HIPK2: variants seen among roughly 807,000 people sequenced by gnomAD.
The protein encoded by HIPK2 is homeodomain-interacting protein kinase 2.
HIPK2 carries 27 observed loss-of-function variants against 113.7 expected under a neutral mutation model. The observed-to-expected ratio is 0.24, with a 90% CI of 0.17 to 0.33. The LOEUF (loss-of-function observed/expected upper bound fraction) is 0.33. Ranked by LOEUF, HIPK2 falls within the 10% of genes least tolerant of loss-of-function variation. The pLI, the probability that HIPK2 is intolerant of heterozygous loss-of-function variation, is 1.00. For missense variants in HIPK2, 1,257 were observed against 1,588.0 expected, an observed-to-expected ratio of 0.79 and a Z score of 3.54; for synonymous variants, 631 against 642.2, an observed-to-expected ratio of 0.98 and a Z score of 0.26.
rs1452344342 is a variant in HIPK2 at position 139,631,160 on chromosome 7, C to G, written c.1347+5G>C. 38 of 1,609,904 alleles carry G rather than the reference C, an allele frequency of 2.4e-5. No homozygotes were observed. The highest frequency in any genetic ancestry group is 3.1e-5 in the Non-Finnish European group (36 of 1,177,984). On this transcript the variant is annotated splice_donor_5th_base_variant and intron_variant, in intron 4 of 14. Transcript: ENST00000406875. This position sits in a 1 kb window ranked among gnomAD's most constrained non-coding sequence, Gnocchi z 4.9. ...TGTGAGGAGTGGAGGAGACGCTCTT[C>G]CTACCTTCAGTCTCCACAAAGGATA...
In HIPK2 at chr7:139,570,963, T is replaced by G. The variant is rs1798253199; in HGVS notation, c.*1964A>C. Reference sequence around the variant, plus strand: ...TTCTCCACACCTCCATCCCCAGAAGTGTCCAAAGCCTGAGAAAACTTCCAG... The same window carrying G: ...TTCTCCACACCTCCATCCCCAGAAGGGTCCAAAGCCTGAGAAAACTTCCAG... On this transcript the variant is annotated 3_prime_UTR_variant, in exon 15 of 15. Transcript: ENST00000406875. 1 of 152,208 alleles carries G rather than the reference T, an allele frequency of 6.6e-6. No individual in the cohort carries two copies. The highest frequency in any genetic ancestry group is 1.5e-5 in the Non-Finnish European group (1 of 68,032). The allele number at this position is 152,208 out of a possible 1,614,324, so 9.4% of individuals were successfully genotyped here.
chr7:139,646,305 G>T (rs566165288), intron 2 of HIPK2, among the ~76,000 whole-genome samples: 1 of 152,092 alleles, frequency 6.6e-6, no homozygotes, highest in Non-Finnish European at 1.5e-5. Context: ...AGAGTAGCCT[G>T]GGCAACATAG....
chr7:139,577,675 G>A (rs1220481986), intron 13 of HIPK2, among the ~76,000 whole-genome samples: 1 of 152,168 alleles, frequency 6.6e-6, no homozygotes, highest in Non-Finnish European at 1.5e-5. Context: ...AAACGCTAAA[G>A]AACAGTAGAG....
chr7:139,585,836 A>G (rs1798815849), intron 12 of HIPK2, among the ~76,000 whole-genome samples: 1 of 152,214 alleles, frequency 6.6e-6, no homozygotes, highest in South Asian at 2.1e-4. Flanking sequence ...ACTTGCTGGA[A>G]AAGTTTCCTT....
At chr7:139,649,390 T>C (rs547121535) in intron 2 of HIPK2, among the ~76,000 whole-genome samples, 5 of 152,334 alleles carry the variant, frequency 3.3e-5, no homozygotes, top group African/African-American at 9.6e-5. Context: ...ATTTTGTTTA[T>C]TGAGCAAATA....
At chr7:139,695,456 C>A (rs1205059552) in intron 2 of HIPK2, among the ~76,000 whole-genome samples, 1 of 152,168 alleles carries the variant, frequency 6.6e-6, no homozygotes, top group Non-Finnish European at 1.5e-5. Context: ...CTGAGAACGC[C>A]AACCTGATTG....
chr7:139,616,095 T>C (rs974985260), intron 7 of HIPK2, among the ~76,000 whole-genome samples: 5 of 152,070 alleles, frequency 3.3e-5, no homozygotes, highest in Non-Finnish European at 5.9e-5. Flanking sequence ...CCTGTGGGTG[T>C]CCCTGCTGGG....
intron 12 of HIPK2, among the ~76,000 whole-genome samples, chr7:139,593,186 C>T (rs927529723): frequency 6.6e-6 from 1 of 152,216 alleles, no homozygotes; most frequent in African/African-American, 2.4e-5. Flanking sequence ...AGCATGGCAC[C>T]TGAGTCCCAA....
chr7:139,727,933 TA>T (rs1409954714), intron 1 of HIPK2, among the ~76,000 whole-genome samples: 1 of 132,178 alleles, frequency 7.6e-6, no homozygotes, highest in African/African-American at 3.0e-5. Flanking sequence ...TGGCATTGGC[TA>T]ATTTTTTTTT....
intron 2 of HIPK2, among the ~76,000 whole-genome samples, chr7:139,654,616 T>C (rs1018980284): frequency 2.0e-5 from 3 of 152,218 alleles, no homozygotes; most frequent in Non-Finnish European, 4.4e-5. Flanking sequence ...TGGTGGTCTG[T>C]TATGGGCTTG....
intron 2 of HIPK2, among the ~76,000 whole-genome samples, chr7:139,686,708 C>T (rs751657753): frequency 2.2e-4 from 34 of 152,232 alleles, no homozygotes; most frequent in Admixed American, 8.5e-4. Flanking sequence ...AATTAAACCT[C>T]TTTCCTTTTT....
At position 139,724,490 on chromosome 7, in the gene HIPK2, G is replaced by C. The variant is rs116257471; in HGVS notation, c.20-7475C>G. On this transcript the variant is annotated intron_variant, in intron 1 of 14. Transcript: ENST00000406875. ...GTTAAATATATAGTATATTCCACCA[G>C]AGCACAGCTTAGGATCAACCACAAG... Among the ~76,000 whole-genome samples, 815 of 152,088 alleles carry C rather than the reference G, an allele frequency of 5.4e-3. 6 individuals are homozygous for C. The highest frequency in any genetic ancestry group is 0.019 in the African/African-American group (768 of 41,488).
At chr7:139,668,454 C>T (rs532360982) in intron 2 of HIPK2, among the ~76,000 whole-genome samples, 192 of 151,236 alleles carry the variant, frequency 1.3e-3, no homozygotes, top group African/African-American at 3.7e-3. Flanking sequence ...TCCAGCTACT[C>T]GGGAGGCTGA....
chr7:139,665,556 CCACA>C (rs1441237383), intron 2 of HIPK2, among the ~76,000 whole-genome samples: 4 of 138,658 alleles, frequency 2.9e-5, no homozygotes, highest in African/African-American at 1.1e-4. Context: ...AGCCTCCTGG[CCACA>C]TCCATCCATC....
At chr7:139,580,388 G>A (rs922013540) in intron 13 of HIPK2, among the ~76,000 whole-genome samples, 4 of 152,224 alleles carry the variant, frequency 2.6e-5, no homozygotes, top group Non-Finnish European at 5.9e-5. Context: ...CTCAGAGGAC[G>A]AGAGCCCCGA....
At chr7:139,703,462 G>C (rs1482013771) in intron 2 of HIPK2, among the ~76,000 whole-genome samples, 1 of 152,034 alleles carries the variant, frequency 6.6e-6, no homozygotes, top group African/African-American at 2.4e-5. Flanking sequence ...CTTCATGGAG[G>C]TCAGAGGATG....
intron 2 of HIPK2, among the ~76,000 whole-genome samples, chr7:139,665,276 C>G (rs1207204917): frequency 6.6e-6 from 1 of 152,158 alleles, no homozygotes; most frequent in African/African-American, 2.4e-5. Flanking sequence ...TGGGCTCAAG[C>G]AATCCTCCTG....
intron 12 of HIPK2, among the ~76,000 whole-genome samples, chr7:139,591,470 C>A (rs1388027643): frequency 6.6e-6 from 1 of 152,220 alleles, no homozygotes. Flanking sequence ...TGGTATCCAA[C>A]CCTCTGCCAC....
chr7:139,618,386 G>T (rs1800127705), intron 7 of HIPK2, among the ~76,000 whole-genome samples: 1 of 152,016 alleles, frequency 6.6e-6, no homozygotes, highest in Non-Finnish European at 1.5e-5. Flanking sequence ...CAATGCAAGA[G>T]AACAGAAATC....
Sources: allele counts gnomAD v4.1 joint callset (sites outside exome capture counted in the v4.1 genomes callset), GRCh38; gene constraint gnomAD v4.1.1; non-coding constraint Gnocchi (gnomAD v3.1); transcripts MANE v1.5; gene names NCBI Gene and HGNC (gene_info 2026-07-23, HGNC 2026-07-21).